Variants in SUMF1 observed in about 807,000 individuals in gnomAD.
SUMF1 encodes the protein sulfatase modifying factor 1.
SUMF1 carries 48 observed loss-of-function variants against 47.6 expected under a neutral mutation model. The observed-to-expected ratio is 1.01, with a 90% CI of 0.80 to 1.28. The LOEUF (loss-of-function observed/expected upper bound fraction) is 1.28, where lower values mean the gene tolerates loss of function less well. Among genes scored for constraint, SUMF1 ranks in the 50% most tolerant of loss-of-function variants. The pLI is 0.00. For missense variants in SUMF1, 571 were observed against 485.4 expected, an observed-to-expected ratio of 1.18 and a Z score of -1.66; for synonymous variants, 230 against 192.1, an observed-to-expected ratio of 1.20 and a Z score of -1.63.
intron 8 of SUMF1, among the ~76,000 whole-genome samples, chr3:4,272,166 T>C (rs934609820): frequency 3.3e-5 from 5 of 152,172 alleles, no homozygotes. Flanking sequence ...GTAAATGTAA[T>C]CTGTAATATT....
chr3:4,254,352 T>G (rs965711658), intron 8 of SUMF1, among the ~76,000 whole-genome samples: 6 of 151,296 alleles, frequency 4.0e-5, no homozygotes, highest in African/African-American at 1.5e-4. Context: ...GGCAAAGAAG[T>G]TGAAAACTTT....
chr3:4,165,545 T>A (rs1206456391), intron 8 of SUMF1, among the ~76,000 whole-genome samples: 1 of 152,042 alleles, frequency 6.6e-6, no homozygotes, highest in Non-Finnish European at 1.5e-5. Context: ...AAACTTTGCA[T>A]AGTTGTGGAT....
intron 8 of SUMF1, chr3:4,313,023 G>C: frequency 1.2e-6 from 2 of 1,613,884 alleles, no homozygotes; most frequent in South Asian, 1.1e-5. Context: ...GCCATGGAGA[G>C]AACTATGATG....
chr3:4,317,179 C>A (rs1190109325), intron 8 of SUMF1: 3 of 1,550,138 alleles, frequency 1.9e-6, no homozygotes, highest in Admixed American at 2.0e-5. Flanking sequence ...TTTTACGCTA[C>A]AGGAATAAAC....
At chr3:4,324,708 T>G (rs994958676) in intron 8 of SUMF1, among the ~76,000 whole-genome samples, 1 of 152,120 alleles carries the variant, frequency 6.6e-6, no homozygotes, top group Non-Finnish European at 1.5e-5. Flanking sequence ...AAGGCTGACA[T>G]GGGGTTGTGA....
intron 8 of SUMF1, among the ~76,000 whole-genome samples, chr3:4,176,225 A>T (rs1359024275): frequency 1.3e-5 from 2 of 152,158 alleles, no homozygotes; most frequent in Non-Finnish European, 2.9e-5. Context: ...CAACCCCAAG[A>T]CACATAATCA....
At chr3:4,145,830 T>C (rs1341001660) in intron 8 of SUMF1, among the ~76,000 whole-genome samples, 2 of 152,176 alleles carry the variant, frequency 1.3e-5, no homozygotes, top group African/African-American at 2.4e-5. Flanking sequence ...AAGATACTTC[T>C]GTCAAAAGGC....
intron 8 of SUMF1, among the ~76,000 whole-genome samples, chr3:4,247,330 C>T (rs1365170849): frequency 6.6e-6 from 1 of 152,150 alleles, no homozygotes; most frequent in African/African-American, 2.4e-5. Flanking sequence ...CCAAGAACAG[C>T]AAAAACCATT....
At chr3:4,401,928 C>T (rs964977089) in intron 7 of SUMF1, among the ~76,000 whole-genome samples, 1 of 152,140 alleles carries the variant, frequency 6.6e-6, no homozygotes, top group South Asian at 2.1e-4. Context: ...GTAAGGAAGA[C>T]AGTTTACAAG....
chr3:4,464,850 A>G (rs1015209178), intron 1 of SUMF1, among the ~76,000 whole-genome samples: 1 of 152,212 alleles, frequency 6.6e-6, no homozygotes, highest in Non-Finnish European at 1.5e-5. Flanking sequence ...CTCATCAACC[A>G]CTAATTTGTT....
At chr3:4,414,011 A>G (rs1701627941) in intron 6 of SUMF1, among the ~76,000 whole-genome samples, 1 of 151,952 alleles carries the variant, frequency 6.6e-6, no homozygotes, top group Admixed American at 6.6e-5. Flanking sequence ...TTACAGGTGC[A>G]TGCTGCCACG....
rs201638076 is a variant in SUMF1, at chr3:4,466,949, C to A, written c.270+27G>T. 801 of 1,603,556 alleles carry A rather than the reference C, an allele frequency of 5.0e-4. 1 individual carries two copies. The highest frequency in any genetic ancestry group is 1.2e-3 in the Admixed American group (68 of 58,744). On this transcript the variant is annotated intron_variant, in intron 1 of 8. Transcript: ENST00000272902. ...CCGTCCAGGAACCGAGCAGCCCCCA[C>A]CCGCCTCGGAGGAATCGATGGAGCA...
At chr3:4,443,423 A>G (rs1332127682) in intron 3 of SUMF1, among the ~76,000 whole-genome samples, 1 of 152,134 alleles carries the variant, frequency 6.6e-6, no homozygotes, top group East Asian at 1.9e-4. Context: ...TCAGAAATAA[A>G]CAGATAATTA....
chr3:4,288,762 C>A (rs1489614564), intron 8 of SUMF1, among the ~76,000 whole-genome samples: 2 of 150,916 alleles, frequency 1.3e-5, no homozygotes, highest in African/African-American at 2.4e-5. Context: ...AAGATCGTGT[C>A]ATTTGCACTC....
chr3:4,165,513 C>G (rs143723496), intron 8 of SUMF1, among the ~76,000 whole-genome samples: 4,013 of 152,090 alleles, frequency 0.026, 274 homozygotes, highest in East Asian at 0.18. Context: ...GCTGAGAGGT[C>G]CTCCTGTGGG....
chr3:4,069,302 T>C (rs1293323177), intron 8 of SUMF1, among the ~76,000 whole-genome samples: 1 of 152,098 alleles, frequency 6.6e-6, no homozygotes, highest in African/African-American at 2.4e-5. Context: ...CAACAGCAAA[T>C]GCAAGTAGGT....
At chr3:4,399,686 G>T (rs552842508) in intron 7 of SUMF1, among the ~76,000 whole-genome samples, 2 of 152,224 alleles carry the variant, frequency 1.3e-5, no homozygotes, top group African/African-American at 4.8e-5. Flanking sequence ...GCCCACGGAA[G>T]TGGAAGACAG....
At chr3:4,375,436 GGGGTGAGTGA>G (rs930892574) in intron 8 of SUMF1, among the ~76,000 whole-genome samples, 1 of 152,110 alleles carries the variant, frequency 6.6e-6, no homozygotes, top group Non-Finnish European at 1.5e-5. Flanking sequence ...AATCAGAATG[GGGGTGAGTGA>G]GGAGCCAGAC....
At chr3:4,332,744 G>A (rs73809514) in intron 8 of SUMF1, among the ~76,000 whole-genome samples, 1,984 of 152,266 alleles carry the variant, frequency 0.013, 48 homozygotes, top group African/African-American at 0.045. Context: ...ATACTGGGTA[G>A]AAGAGAGCAG....
Sources: gnomAD v4.1 joint callset for allele counts (sites outside exome capture counted in the v4.1 genomes callset) on GRCh38, gnomAD v4.1.1 for gene constraint, MANE v1.5 for transcripts, NCBI Gene and HGNC (gene_info 2026-07-23, HGNC 2026-07-21) for gene names.